PCNX2: variants seen among roughly 807,000 people sequenced by gnomAD.
PCNX2 encodes the protein pecanex 2, also known as pecanex-like protein 2.
A neutral mutation model predicts 223.8 loss-of-function variants in PCNX2; 168 were observed. That is an observed-to-expected ratio of 0.75 (90% CI 0.66 to 0.85). The LOEUF (loss-of-function observed/expected upper bound fraction) is 0.85, where lower values mean the gene tolerates loss of function less well. PCNX2 is among the 40% of genes least tolerant of loss of function. The pLI, the probability that PCNX2 is intolerant of heterozygous loss-of-function variation, is 0.00. For missense variants in PCNX2, 2,507 were observed against 2,675.5 expected (o/e 0.94, Z 1.39); for synonymous variants, 1,006 against 1,052.6 (o/e 0.96, Z 0.86).
intron 20 of PCNX2, among the ~76,000 whole-genome samples, chr1:233,137,456 C>T (rs1295550658): frequency 1.3e-5 from 2 of 152,160 alleles, no homozygotes; most frequent in African/African-American, 4.8e-5. Context: ...ATTAATCTTT[C>T]CTAAATGTAT....
intron 19 of PCNX2, among the ~76,000 whole-genome samples, chr1:233,144,768 T>C (rs76288938): frequency 0.028 from 4,240 of 152,230 alleles, 191 homozygotes; most frequent in African/African-American, 0.095. Context: ...GAGTTCTTTA[T>C]ACATTCTAGG....
At chr1:233,283,277 A>G (rs1310960839) in intron 1 of PCNX2, among the ~76,000 whole-genome samples, 2 of 152,318 alleles carry the variant, frequency 1.3e-5, no homozygotes, top group Admixed American at 6.5e-5. Flanking sequence ...CAATCATTCA[A>G]TCTATAGATT....
intron 21 of PCNX2, among the ~76,000 whole-genome samples, chr1:233,096,833 C>T (rs1316333553): frequency 6.6e-6 from 1 of 152,094 alleles, no homozygotes; most frequent in Non-Finnish European, 1.5e-5. Context: ...GGCAATGGGG[C>T]CATTAAGAAA....
intron 8 of PCNX2, among the ~76,000 whole-genome samples, chr1:233,245,747 T>C (rs1024252033): frequency 2.0e-5 from 3 of 152,104 alleles, no homozygotes; most frequent in Non-Finnish European, 4.4e-5. Flanking sequence ...TCCCCGTCTC[T>C]ACTAAAAATA....
intron 1 of PCNX2, chr1:233,291,152 T>C (rs1661740854): frequency 1.1e-6 from 1 of 947,702 alleles, no homozygotes; most frequent in African/African-American, 1.8e-5. Context: ...CTCAGCTAAA[T>C]GCTGGATTTT....
intron 23 of PCNX2, among the ~76,000 whole-genome samples, chr1:233,078,344 T>C (rs957166748): frequency 6.6e-6 from 1 of 152,264 alleles, no homozygotes; most frequent in African/African-American, 2.4e-5. Flanking sequence ...ACTGTCCAGA[T>C]GTTTCAAATC....
In PCNX2 at chr1:233,176,875, C is replaced by T. The variant is rs946149145; in HGVS notation, c.3273+927G>A. On this transcript the variant is annotated intron_variant, in intron 17 of 33. Transcript: ENST00000258229. ...AAAAAAATACAAAAAATTAGCTGGGCATGGTGGCGGGCACCTGTAGTCCCA... is the reference window on the plus strand; with the variant it reads ...AAAAAAATACAAAAAATTAGCTGGGTATGGTGGCGGGCACCTGTAGTCCCA... Among the ~76,000 whole-genome samples, 4 of 152,164 alleles carry T rather than the reference C, an allele frequency of 2.6e-5. 1 individual carries two copies. Among genetic ancestry groups the T allele is most frequent in the Admixed American group, 6.5e-5 (1 of 15,276 alleles).
At chr1:233,003,800 C>T (rs932227710) in intron 28 of PCNX2, among the ~76,000 whole-genome samples, 1 of 152,202 alleles carries the variant, frequency 6.6e-6, no homozygotes, top group Non-Finnish European at 1.5e-5. Flanking sequence ...GGCATATATA[C>T]ACCATGGAAT....
intron 33 of PCNX2, chr1:232,985,828 G>T (rs374759598): frequency 5.6e-5 from 34 of 603,044 alleles, no homozygotes; most frequent in African/African-American, 5.4e-4. Flanking sequence ...CAGTTCTGCA[G>T]AACCTCTGTA....
chr1:233,138,718 A>G (rs1392446221), intron 20 of PCNX2, among the ~76,000 whole-genome samples: 1 of 152,222 alleles, frequency 6.6e-6, no homozygotes, highest in Non-Finnish European at 1.5e-5. Context: ...TTTAAGTATC[A>G]AAGAACATAG....
intron 21 of PCNX2, among the ~76,000 whole-genome samples, chr1:233,109,074 G>A (rs1162139949): frequency 1.3e-5 from 2 of 152,082 alleles, no homozygotes; most frequent in East Asian, 3.9e-4. Context: ...ATCCCTCCAG[G>A]AATTCAGGGT....
intron 19 of PCNX2, among the ~76,000 whole-genome samples, chr1:233,151,029 C>G (rs571938389): frequency 7.0e-6 from 1 of 142,792 alleles, no homozygotes; most frequent in African/African-American, 2.5e-5. Context: ...GACAGAGCTT[C>G]TCGTTAGAAT....
intron 1 of PCNX2, chr1:233,291,021 G>A: frequency 2.0e-6 from 2 of 985,376 alleles, no homozygotes; most frequent in Non-Finnish European, 2.4e-6. Flanking sequence ...AATGCCACTG[G>A]CATAATCATA....
chr1:233,052,934 C>T (rs1267490232), intron 25 of PCNX2, among the ~76,000 whole-genome samples: 1 of 151,912 alleles, frequency 6.6e-6, no homozygotes, highest in Non-Finnish European at 1.5e-5. Flanking sequence ...AACAGCTAGC[C>T]CTTCTGATTC....
chr1:233,221,384 GAA>G (rs575434174), intron 10 of PCNX2, among the ~76,000 whole-genome samples: 2 of 147,168 alleles, frequency 1.4e-5, no homozygotes, highest in African/African-American at 5.0e-5. Context: ...AAATTTCAAA[GAA>G]AAAAAAAACC....
At chr1:233,321,013 C>CTTTTTTTTTTTTTTTT in the PCNX2 span, among the ~76,000 whole-genome samples, 1 of 70,364 alleles carries the variant, frequency 1.4e-5, no homozygotes, top group African/African-American at 5.9e-5. Context: ...AAAATGTCTT[C>CTTTTTTTTTTTTTTTT]TTTTTTTTTT....
chr1:233,065,124 C>T (rs376947031), intron 23 of PCNX2, among the ~76,000 whole-genome samples: 1 of 152,308 alleles, frequency 6.6e-6, no homozygotes, highest in South Asian at 2.1e-4. Flanking sequence ...TCCCTCAGTG[C>T]TTTTCTGGTT....
intron 23 of PCNX2, among the ~76,000 whole-genome samples, chr1:233,072,651 G>C (rs1242136878): frequency 6.6e-6 from 1 of 152,076 alleles, no homozygotes. Flanking sequence ...CAATTGAAAT[G>C]GTCAAGTGTG....
intron 23 of PCNX2, among the ~76,000 whole-genome samples, chr1:233,070,320 T>C (rs1043326649): frequency 2.6e-5 from 4 of 152,106 alleles, no homozygotes; most frequent in Non-Finnish European, 5.9e-5. Flanking sequence ...TTAATATCTT[T>C]CAGAAATTAT....
Sources: gnomAD v4.1 joint callset for allele counts (sites outside exome capture counted in the v4.1 genomes callset) on GRCh38, gnomAD v4.1.1 for gene constraint, MANE v1.5 for transcripts, NCBI Gene and HGNC (gene_info 2026-07-23, HGNC 2026-07-21) for gene names.